Variants in TET1 observed in about 807,000 individuals in gnomAD.
The protein encoded by TET1 is tet methylcytosine dioxygenase 1, also known as methylcytosine dioxygenase TET1.
TET1 carries 13 observed loss-of-function variants against 148.7 expected under a neutral mutation model. The observed-to-expected ratio is 0.09, with a 90% CI of 0.06 to 0.14. TET1 has a LOEUF of 0.14. Among genes scored for constraint, TET1 ranks in the 10% least tolerant of loss-of-function variants. The pLI, the probability that TET1 is intolerant of heterozygous loss-of-function variation, is 1.00. For missense variants in TET1, 2,182 were observed against 2,553.8 expected (o/e 0.85, Z 3.14); for synonymous variants, 907 against 937.2 (o/e 0.97, Z 0.59).
chr10:68,564,537 G>T (rs893083315), intron 1 of TET1, among the ~76,000 whole-genome samples: 7 of 152,114 alleles, frequency 4.6e-5, no homozygotes, highest in African/African-American at 1.2e-4. Flanking sequence ...CCCAGAAATG[G>T]TTTTTTGTTT....
chr10:68,569,190 TGAGATG>T (rs1297657541), intron 1 of TET1, among the ~76,000 whole-genome samples: 1 of 140,668 alleles, frequency 7.1e-6, no homozygotes, highest in Non-Finnish European at 1.5e-5. Context: ...TTTTTTTTTT[TGAGATG>T]GAGTCTAGCT....
At chr10:68,683,110 T>C in intron 10 of TET1, 137 bp downstream of exon 10, 1 of 1,036,728 alleles carries the variant, frequency 9.6e-7, no homozygotes, top group Non-Finnish European at 1.3e-6. Flanking sequence ...GAAAATAAAG[T>C]GAAAAAAAAG....
chr10:68,641,010 C>T (rs2054744959), intron 3 of TET1, among the ~76,000 whole-genome samples: 1 of 150,570 alleles, frequency 6.6e-6, no homozygotes, highest in South Asian at 2.1e-4. Flanking sequence ...TGCAATACTA[C>T]TACACTCATT....
chr10:68,654,531 T>G (rs1225867343), intron 6 of TET1, among the ~76,000 whole-genome samples: 3 of 151,962 alleles, frequency 2.0e-5, no homozygotes, highest in East Asian at 1.9e-4. Flanking sequence ...GCAGGAGAAT[T>G]GCTTGAACCC....
intron 2 of TET1, among the ~76,000 whole-genome samples, chr10:68,595,919 CATATATATATATATATATATATATAT>C (rs374124558): frequency 4.1e-4 from 14 of 34,516 alleles, no homozygotes; most frequent in Non-Finnish European, 7.5e-4. Flanking sequence ...CCAGCCAAAA[CATATATATATATATATATATATATAT>C]ATATATATAT....
At chr10:68,569,425 C>T (rs781431532) in intron 1 of TET1, among the ~76,000 whole-genome samples, 14 of 152,066 alleles carry the variant, frequency 9.2e-5, no homozygotes, top group Non-Finnish European at 1.9e-4. Flanking sequence ...CCGCCCACCT[C>T]GGCCTCCCAA....
chr10:68,590,081 C>T (rs2053902118), intron 2 of TET1, among the ~76,000 whole-genome samples: 1 of 152,162 alleles, frequency 6.6e-6, no homozygotes, highest in Non-Finnish European at 1.5e-5. Flanking sequence ...GTTGTACGGA[C>T]TGAGAGTCAA....
Position 68,652,588 on chromosome 10 carries a change from T to C in TET1, c.4455T>C (p.Ala1485=). The C allele has an allele frequency of 6.2e-7, 1 of 1,606,120 alleles. No individual in the cohort carries two copies. The highest frequency in any genetic ancestry group is 8.5e-7 in the Non-Finnish European group (1 of 1,174,528). The part of the protein sequence containing the change: ...EGKSSHGCPI[A]KWVLRRSSDE... The stretch of plus-strand genomic sequence containing the variant: ...AAAGCTCTCATGGGTGTCCAATTGC[T>C]AAGTGGGTAAGTATTTCCTATTTAT... The change falls in exon 6 of 12, where the codon GCT becomes GCC. Residue 1485 remains alanine, a synonymous_variant. Coordinates refer to ENST00000373644, the MANE Select transcript of TET1 (RefSeq NM_030625.3).
At position 68,686,540 on chromosome 10, in the gene TET1, G is replaced by A. The variant is rs200642816; in HGVS notation, c.5237G>A (p.Cys1746Tyr). Residue 1746 changes from cysteine (C) to tyrosine (Y), a missense_variant, in exon 11 of 12, where the codon TGT (cysteine) becomes TAT (tyrosine). Physicochemically the swap from Cys to Tyr is radical, Grantham distance 194 (BLOSUM62 -2). This residue lies in a region of TET1 where 380 missense variants were observed against 387.9 expected (regional missense o/e 0.98). Transcript: ENST00000373644. ...GCACCCCGCCGCAAAAAAAGAACGT[G>A]TTTCACTCAGCCTGTTCCCCGTTCT... is the stretch of plus-strand genomic sequence containing the variant. ...VLAPRRKKRT[C>Y]FTQPVPRSGK... 1 of 1,614,100 alleles carries A rather than the reference G, an allele frequency of 6.2e-7. No homozygotes were observed. Among genetic ancestry groups the A allele is most frequent in the East Asian group, 2.2e-5 (1 of 44,878 alleles).
intron 3 of TET1, among the ~76,000 whole-genome samples, chr10:68,635,392 G>C (rs987613804): frequency 8.6e-5 from 13 of 151,954 alleles, no homozygotes; most frequent in African/African-American, 3.1e-4. Context: ...CCAGGAGTTT[G>C]AGACCAGCCT....
intron 3 of TET1, among the ~76,000 whole-genome samples, chr10:68,636,622 T>C (rs2054654046): frequency 6.6e-6 from 1 of 152,182 alleles, no homozygotes; most frequent in African/African-American, 2.4e-5. Context: ...TGTAGTGAGC[T>C]GTGATCCTCT....
Position 68,691,231 on chromosome 10 carries a change from C to T in TET1, c.5828C>T (p.Pro1943Leu), listed in dbSNP as rs2055588412. 1 of 1,614,132 alleles carries T rather than the reference C, an allele frequency of 6.2e-7. No homozygotes were observed. Among genetic ancestry groups the T allele is most frequent in the Non-Finnish European group, 8.5e-7 (1 of 1,180,040 alleles). The change falls in exon 12 of 12, where the codon CCC becomes CTC. Residue 1943 changes from proline (P) to leucine (L), a missense_variant. Pro to Leu is a moderately conservative substitution (Grantham distance 98, BLOSUM62 -3). Transcript: ENST00000373644. This position sits in a 1 kb window ranked among gnomAD's most constrained non-coding sequence, Gnocchi z 4.4. ...ACGCCTCATCAGCCAAACCACCAGC[C>T]CTCCTTCCTCACCTCTCCTCAAGAC... The part of the protein sequence containing the change: ...PLTPHQPNHQ[P>L]SFLTSPQDLA...
chr10:68,681,471 G>T lies in TET1; in HGVS notation c.4897G>T (p.Val1633Leu), dbSNP rs1431270172. The change falls in exon 9 of 12, where the codon GTA (valine) becomes TTA (leucine). Residue 1633 changes from valine (V) to leucine (L), a missense_variant. Physicochemically the swap from Val to Leu is conservative, Grantham distance 32 (BLOSUM62 1). Coordinates refer to ENST00000373644, the MANE Select transcript of TET1 (RefSeq NM_030625.3). ...LAPIYKQYAP[V>L]AYQNQVEYEN... ...TCCAATTTATAAGCAGTATGCTCCA[G>T]TAGCTTACCAAAATCAGGTATGTAT... 1 of 1,612,612 alleles carries T rather than the reference G, an allele frequency of 6.2e-7. No individual in the cohort carries two copies. The highest frequency in any genetic ancestry group is 1.7e-5 in the Admixed American group (1 of 59,956).
chr10:68,661,818 A>ACATACACACAC (rs1554809964), intron 6 of TET1, among the ~76,000 whole-genome samples: 1 of 150,556 alleles, frequency 6.6e-6, no homozygotes, highest in African/African-American at 2.5e-5. Flanking sequence ...TTGTTAAAAA[A>ACATACACACAC]ACACACACAC....
chr10:68,563,530 T>C (rs186623663), intron 1 of TET1, among the ~76,000 whole-genome samples: 1 of 152,344 alleles, frequency 6.6e-6, no homozygotes, highest in African/African-American at 2.4e-5. Context: ...CTGCTGGTAG[T>C]GGGAAGAATT....
intron 3 of TET1, among the ~76,000 whole-genome samples, chr10:68,613,659 G>A (rs1226784285): frequency 2.6e-5 from 4 of 152,130 alleles, no homozygotes; most frequent in South Asian, 2.1e-4. Flanking sequence ...CTGGTTGGCC[G>A]GACACAGTGG....
chr10:68,600,549 T>C (rs1368818196), intron 2 of TET1, among the ~76,000 whole-genome samples: 1 of 152,182 alleles, frequency 6.6e-6, no homozygotes, highest in Non-Finnish European at 1.5e-5. Context: ...TTGGCTGCAC[T>C]CTTTGTGGGG....
At chr10:68,606,159 G>A (rs2054120751) in intron 3 of TET1, among the ~76,000 whole-genome samples, 1 of 152,090 alleles carries the variant, frequency 6.6e-6, no homozygotes, top group South Asian at 2.1e-4. Flanking sequence ...TTGAGGTCAG[G>A]GGTTCAAGAC....
At chr10:68,640,710 C>G (rs1241051184) in intron 3 of TET1, among the ~76,000 whole-genome samples, 1 of 150,996 alleles carries the variant, frequency 6.6e-6, no homozygotes, top group African/African-American at 2.4e-5. Context: ...TGCCACCACA[C>G]CCGGCTAATT....
Sources: allele counts gnomAD v4.1 joint callset (sites outside exome capture counted in the v4.1 genomes callset), GRCh38; gene constraint gnomAD v4.1.1; regional missense constraint gnomAD v4.1.1; non-coding constraint Gnocchi (gnomAD v3.1); transcripts MANE v1.5; gene names NCBI Gene and HGNC (gene_info 2026-07-23, HGNC 2026-07-21).